C1QTNF6: variants seen among roughly 807,000 people sequenced by gnomAD.
C1QTNF6 encodes the protein C1q and TNF related 6, also known as complement C1q tumor necrosis factor-related protein 6.
A neutral mutation model predicts 20.7 loss-of-function variants in C1QTNF6; 17 were observed. The observed-to-expected ratio is 0.82, with a 90% CI of 0.56 to 1.23. C1QTNF6 has a LOEUF of 1.23. Ranked by LOEUF, C1QTNF6 falls within the 50% of genes most tolerant of loss-of-function variation. The pLI is 0.00. For synonymous variants in C1QTNF6, 130 were observed against 156.3 expected (o/e 0.83, Z 1.25); for missense variants, 329 against 389.7 (o/e 0.84, Z 1.31).
Position 37,182,352 on chromosome 22 carries a change from C to T in C1QTNF6, c.673G>A (p.Glu225Lys), listed in dbSNP as rs369130130. Residue 225 changes from glutamate (E) to lysine (K), a missense_variant, in exon 3 of 3, where the codon GAG becomes AAG. Glu to Lys is a moderately conservative substitution (Grantham distance 56, BLOSUM62 1). Transcript: ENST00000337843. The stretch of plus-strand genomic sequence containing the variant: ...CTCTGGCTCTGCATGATGCTGCGCT[C>T]GCTGGGCTGCGCGTACAGGATGACA... ...EAVILYAQPS[E>K]RSIMQSQSVM... is the part of the protein sequence containing the mutation. 2.6e-5 allele frequency: 42 copies of T among 1,614,130 alleles called. No individual in the cohort carries two copies. The highest frequency in any genetic ancestry group is 1.3e-4 in the East Asian group (6 of 44,896).
rs1050713028 is a variant in C1QTNF6, at chr22:37,181,783, G to A, written c.*405C>T. 1 of 190,596 alleles carries A rather than the reference G, an allele frequency of 5.2e-6. No homozygotes were observed. Among genetic ancestry groups the A allele is most frequent in the African/African-American group, 2.4e-5 (1 of 42,466 alleles). 11.8% of individuals were successfully genotyped at this position (190,596 alleles called of 1,614,324 possible). The stretch of plus-strand genomic sequence containing the variant: ...ATTGAGAAAGTCCTAGAACCTGGTT[G>A]CTCCAGTGTGGTTCATAGACTGACC... On this transcript the variant is annotated 3_prime_UTR_variant, in exon 3 of 3. Transcript: ENST00000337843.
At position 37,194,862 on chromosome 22, in the gene C1QTNF6, CAGAAAAGAT is replaced by C. The variant is rs542949560; in HGVS notation, n.224+510_224+518del. 4.5e-3 allele frequency among the ~76,000 whole-genome samples: 687 copies of C among 152,248 alleles called. 8 individuals are homozygous for C. The highest frequency in any genetic ancestry group is 0.015 in the African/African-American group (607 of 41,540). Reference sequence around the variant, plus strand: ...AAGAGTGGAGAGTCACCCTGAGTGACAGAAAAGATAGAAAAGAGAAAGGAGAGAGGAAGA... The same window carrying C: ...AAGAGTGGAGAGTCACCCTGAGTGACAGAAAAGAGAAAGGAGAGAGGAAGA... On this transcript the variant is annotated intron_variant and non_coding_transcript_variant, in intron 2 of 4. Coordinates refer to the C1QTNF6 transcript ENST00000467564.
At chr22:37,189,367 C>T (rs1471504038), upstream of C1QTNF6, among the ~76,000 whole-genome samples, 1 of 152,164 alleles carries the variant, frequency 6.6e-6, no homozygotes, top group East Asian at 1.9e-4. Flanking sequence ...CTTCCTATCC[C>T]TTCCTGTGAC....
chr22:37,183,493 C>T (rs1923984981), intron 2 of C1QTNF6, among the ~76,000 whole-genome samples: 1 of 152,248 alleles, frequency 6.6e-6, no homozygotes, highest in African/African-American at 2.4e-5. Context: ...GGCCCTTAGT[C>T]CAGGCTGACT....
intron 2 of C1QTNF6, among the ~76,000 whole-genome samples, chr22:37,193,629 A>T (rs1225866669): frequency 1.3e-5 from 2 of 152,222 alleles, no homozygotes; most frequent in African/African-American, 4.8e-5. Flanking sequence ...CAAACAGCCA[A>T]TATTTCTGGC....
chr22:37,185,718 A>C, intron 1 of C1QTNF6: 3 of 1,146,798 alleles, frequency 2.6e-6, no homozygotes, highest in African/African-American at 1.6e-5. Context: ...TCTGCTCCAC[A>C]CAGGCCTTGG....
At chr22:37,186,506 G>A (rs991509471) in intron 1 of C1QTNF6, among the ~76,000 whole-genome samples, 2 of 152,218 alleles carry the variant, frequency 1.3e-5, no homozygotes, top group Non-Finnish European at 2.9e-5. Context: ...GGACTAGGAG[G>A]TATAAAAAAT....
At position 37,180,875 on chromosome 22, in the gene C1QTNF6, G is replaced by A. The variant is rs1360193547; in HGVS notation, c.*1313C>T. The A allele has an allele frequency of 3.9e-5, 6 of 152,712 alleles. No homozygotes were observed. Among genetic ancestry groups the A allele is most frequent in the African/African-American group, 1.4e-4 (6 of 41,456 alleles). 9.5% of individuals were successfully genotyped at this position (152,712 alleles called of 1,614,324 possible). On this transcript the variant is annotated 3_prime_UTR_variant, in exon 3 of 3. Coordinates refer to ENST00000337843, the MANE Select transcript of C1QTNF6 (RefSeq NM_031910.4). ...CGCAGGATGCCGTATCAGCTGTGGGGAGAGCTATGGGTGTGGGTTCCATTC... is the reference window on the plus strand; with the variant it reads ...CGCAGGATGCCGTATCAGCTGTGGGAAGAGCTATGGGTGTGGGTTCCATTC...
chr22:37,194,167 A>T (rs2858490), intron 2 of C1QTNF6, among the ~76,000 whole-genome samples: 42,972 of 151,936 alleles, frequency 0.28, 6,908 homozygotes, highest in East Asian at 0.58. Context: ...AACCTCATCT[A>T]GTTTTTGTTT....
In C1QTNF6 at chr22:37,182,842, A is replaced by C. The variant is rs143522621; in HGVS notation, c.290-107T>G. ...CTGCCCCTGTCCTGGCCCAGAGAAG[A>C]AGCCAGCATTTATTTAGCACCTACT... On this transcript the variant is annotated intron_variant, in intron 2 of 2. Coordinates refer to ENST00000337843, the MANE Select transcript of C1QTNF6 (RefSeq NM_031910.4). 7.6e-6 allele frequency: 11 copies of C among 1,453,110 alleles called. No individual in the cohort carries two copies. In the East Asian group the frequency reaches 2.0e-4, roughly 26 times the overall value. The allele number at this position is 1,453,110 out of a possible 1,614,324, so 90.0% of individuals were successfully genotyped here.
upstream of C1QTNF6, among the ~76,000 whole-genome samples, chr22:37,198,823 C>T (rs1475649827): frequency 6.6e-6 from 1 of 152,006 alleles, no homozygotes; most frequent in Non-Finnish European, 1.5e-5. Flanking sequence ...ACACACAAAC[C>T]GGCTTCCTCC....
intron 1 of C1QTNF6, among the ~76,000 whole-genome samples, chr22:37,186,237 C>T (rs1246244952): frequency 6.6e-6 from 1 of 152,174 alleles, no homozygotes; most frequent in Non-Finnish European, 1.5e-5. Context: ...AGAAGGTGCC[C>T]CTCTGGACAA....
chr22:37,195,485 T>C (rs1022569995), intron 1 of C1QTNF6: 2 of 151,788 alleles, frequency 1.3e-5, no homozygotes, highest in African/African-American at 4.8e-5. Flanking sequence ...TGGAAAGGGG[T>C]CCCAATCCAG....
upstream of C1QTNF6, among the ~76,000 whole-genome samples, chr22:37,198,803 C>G (rs752880939): frequency 6.6e-6 from 1 of 152,066 alleles, no homozygotes; most frequent in African/African-American, 2.4e-5. Context: ...CGCAGCAACC[C>G]CCACCCCCCA....
At chr22:37,187,670 T>C (rs1924489379) in intron 1 of C1QTNF6, among the ~76,000 whole-genome samples, 1 of 141,284 alleles carries the variant, frequency 7.1e-6, no homozygotes, top group South Asian at 2.3e-4. Flanking sequence ...TTTGGGAGCA[T>C]TTCTGTTTCC....
chr22:37,197,178 A>AT (rs1925185811), intron 1 of C1QTNF6: 1 of 152,324 alleles, frequency 6.6e-6, no homozygotes, highest in Non-Finnish European at 1.5e-5. Context: ...AAAGCAGACT[A>AT]AAGGACTTTG....
Position 37,184,403 on chromosome 22 carries a change from C to T in C1QTNF6, c.289+815G>A, listed in dbSNP as rs1001338243. ...AAGGCCTGGTCACAGCCGTCAGCCA[C>T]CACAGCCTGGAAGGGAAGCGAGTCC... On this transcript the variant is annotated intron_variant, in intron 2 of 2. Coordinates refer to ENST00000337843, the MANE Select transcript of C1QTNF6 (RefSeq NM_031910.4). The surrounding 1 kb of genome is among the most constrained non-coding windows in gnomAD (Gnocchi z 4.0). The T allele has an allele frequency of 1.4e-6, 1 of 717,236 alleles. No individual in the cohort carries two copies. Among genetic ancestry groups the T allele is most frequent in the Non-Finnish European group, 2.6e-6 (1 of 385,060 alleles). 44.4% of individuals were successfully genotyped at this position (717,236 alleles called of 1,614,324 possible). A position where few individuals can be genotyped will look rare whatever the true frequency, so the allele number is the denominator to read the frequency against.
Position 37,185,338 on chromosome 22 carries a change from G to A in C1QTNF6, c.169C>T (p.Gln57Ter). ...GGGTCCTCAGAGTCACAGCACCGTT[G>A]GCAGCCGCTGGCCACAGCTCTGTCA... is the stretch of plus-strand genomic sequence containing the variant. ...TFDRAVASGC[Q>*]RCCDSEDPLD... is the part of the protein sequence containing the mutation. Residue 57 changes from glutamine to a stop codon, truncating the protein, a stop_gained, in exon 2 of 3, where the codon CAA becomes TAA. Transcript: ENST00000337843. LOFTEE classifies it high-confidence loss of function. 1 of 1,613,624 alleles carries A rather than the reference G, an allele frequency of 6.2e-7. No individual in the cohort carries two copies. The highest frequency in any genetic ancestry group is 8.5e-7 in the Non-Finnish European group (1 of 1,179,908).
At position 37,188,079 on chromosome 22, in the gene C1QTNF6, A is replaced by G. The variant is rs532963679; in HGVS notation, c.51+84T>C. On this transcript the variant is annotated intron_variant, in intron 1 of 2. Coordinates refer to ENST00000337843, the MANE Select transcript of C1QTNF6 (RefSeq NM_031910.4). ...TCAGAGGGAGAGAGCAGGGCCCGAG[A>G]TGCTTCCAGGAAGCAAGGAGGGAGG... The G allele has an allele frequency of 4.6e-4, 643 of 1,401,664 alleles. 4 individuals are homozygous for G. Among genetic ancestry groups the G allele is most frequent in the Middle Eastern group, 2.1e-3 (9 of 4,286 alleles). 86.8% of individuals were successfully genotyped at this position (1,401,664 alleles called of 1,614,324 possible).
Sources: allele counts gnomAD v4.1 joint callset (sites outside exome capture counted in the v4.1 genomes callset), GRCh38; gene constraint gnomAD v4.1.1; non-coding constraint Gnocchi (gnomAD v3.1); transcripts MANE v1.5; gene names NCBI Gene and HGNC (gene_info 2026-07-23, HGNC 2026-07-21).